Variants in LRRC1 observed in about 807,000 individuals in gnomAD.
The protein encoded by LRRC1 is leucine-rich repeat-containing protein 1.
In LRRC1, 28 loss-of-function variants were observed where a neutral mutation model predicts 69.9. The observed-to-expected ratio is 0.40, with a 90% CI of 0.30 to 0.55. The LOEUF (loss-of-function observed/expected upper bound fraction) is 0.55. LRRC1 is among the 20% of genes least tolerant of loss of function. The pLI, the probability that LRRC1 is intolerant of heterozygous loss-of-function variation, is 0.47. For missense variants in LRRC1, 498 were observed against 609.0 expected (o/e 0.82, Z 1.92); for synonymous variants, 236 against 240.2 (o/e 0.98, Z 0.16).
chr6:53,865,572 C>A (rs1169120786), intron 2 of LRRC1, among the ~76,000 whole-genome samples: 2 of 151,972 alleles, frequency 1.3e-5, no homozygotes, highest in African/African-American at 2.4e-5. Context: ...TTTGTTTATG[C>A]CATATTATTT....
At chr6:53,858,188 A>G (rs867627612) in intron 2 of LRRC1, among the ~76,000 whole-genome samples, 25 of 152,160 alleles carry the variant, frequency 1.6e-4, no homozygotes, top group African/African-American at 5.8e-4. Flanking sequence ...AACCACAGGC[A>G]GTTAGTAGTC....
intron 2 of LRRC1, among the ~76,000 whole-genome samples, chr6:53,873,922 C>T (rs1340169299): frequency 6.6e-6 from 1 of 152,184 alleles, no homozygotes; most frequent in African/African-American, 2.4e-5. Context: ...TGAGGCATCT[C>T]TTTTCTCAGC....
chr6:53,814,280 A>T (rs13205097), intron 1 of LRRC1, among the ~76,000 whole-genome samples: 1,557 of 152,196 alleles, frequency 0.01, 9 homozygotes, highest in African/African-American at 0.022. Flanking sequence ...GAAACTTTTT[A>T]AAAAAAATTA....
At chr6:53,891,996 A>C (rs970412158) in intron 4 of LRRC1, among the ~76,000 whole-genome samples, 1 of 84,872 alleles carries the variant, frequency 1.2e-5, no homozygotes, top group African/African-American at 4.3e-5. Context: ...TGTCTAAAAA[A>C]AAAATATATA....
At chr6:53,903,341 G>A (rs1349334139) in intron 9 of LRRC1, among the ~76,000 whole-genome samples, 3 of 151,744 alleles carry the variant, frequency 2.0e-5, no homozygotes, top group Admixed American at 6.6e-5. Context: ...GGGGCAATGC[G>A]TGCACCCCCT....
chr6:53,815,730 G>A lies in LRRC1; in HGVS notation c.159+20315G>A, dbSNP rs73430242. Among the ~76,000 whole-genome samples the A allele has an allele frequency of 9.1e-3, 1,380 of 152,274 alleles. 28 individuals carry two copies. Among genetic ancestry groups the A allele is most frequent in the African/African-American group, 0.032 (1,313 of 41,536 alleles). On this transcript the variant is annotated intron_variant, in intron 1 of 13. Transcript: ENST00000370888. The stretch of plus-strand genomic sequence containing the variant: ...TTAAGCAAGTTCTCTCTCCTCCTGC[G>A]TTCACTTGTGAAGAGTTCACTGTAC...
chr6:53,842,552 A>C (rs1428056191), intron 2 of LRRC1, among the ~76,000 whole-genome samples: 3 of 152,252 alleles, frequency 2.0e-5, no homozygotes, highest in Non-Finnish European at 4.4e-5. Context: ...TCTCCAAATA[A>C]GTTCAATCTG....
intron 4 of LRRC1, among the ~76,000 whole-genome samples, chr6:53,890,784 T>C (rs1209661141): frequency 6.6e-6 from 1 of 152,154 alleles, no homozygotes; most frequent in Non-Finnish European, 1.5e-5. Flanking sequence ...AACTCCCCAT[T>C]CCCCCATTAA....
chr6:53,806,806 C>T (rs933688737), intron 1 of LRRC1, among the ~76,000 whole-genome samples: 3 of 152,278 alleles, frequency 2.0e-5, no homozygotes, highest in African/African-American at 7.2e-5. Context: ...ATTCCCAGAA[C>T]CAATTAAGGA....
At position 53,882,289 on chromosome 6, in the gene LRRC1, G is replaced by C. The variant is rs564520938; in HGVS notation, c.357-598G>C. Among the ~76,000 whole-genome samples, 18 of 152,202 alleles carry C rather than the reference G, an allele frequency of 1.2e-4. 1 individual carries two copies. Among genetic ancestry groups the C allele is most frequent in the African/African-American group, 4.3e-4 (18 of 41,564 alleles). On this transcript the variant is annotated intron_variant, in intron 3 of 13. Coordinates refer to ENST00000370888, the MANE Select transcript of LRRC1 (RefSeq NM_018214.5). ...CTTGAACCCGGGAGGCGGAGGTTGCGGTGAGCCGAGATTGCGCCACTGCCC... is the reference window on the plus strand; with the variant it reads ...CTTGAACCCGGGAGGCGGAGGTTGCCGTGAGCCGAGATTGCGCCACTGCCC...
In LRRC1 at chr6:53,882,980, A is replaced by G; in HGVS notation, c.446+4A>G. ...CTCTACCTGAAAATATTGGCAAGTAAGTTTTTTTGTGAAGTTTGGGTGGAT... is the reference window on the plus strand; with the variant it reads ...CTCTACCTGAAAATATTGGCAAGTAGGTTTTTTTGTGAAGTTTGGGTGGAT... On this transcript the variant is annotated splice_donor_region_variant and intron_variant, in intron 4 of 13. Transcript: ENST00000370888. 6.3e-7 allele frequency: 1 copy of G among 1,595,644 alleles called. No homozygotes were observed. The highest frequency in any genetic ancestry group is 8.6e-7 in the Non-Finnish European group (1 of 1,166,692).
intron 1 of LRRC1, among the ~76,000 whole-genome samples, chr6:53,810,614 C>T (rs950376003): frequency 1.8e-4 from 27 of 150,618 alleles, no homozygotes; most frequent in African/African-American, 5.6e-4. Flanking sequence ...AGCGAGACTC[C>T]GTCTCAAAAA....
intron 1 of LRRC1, among the ~76,000 whole-genome samples, chr6:53,799,149 C>G (rs545801942): frequency 2.3e-4 from 35 of 152,342 alleles, no homozygotes; most frequent in African/African-American, 8.4e-4. Flanking sequence ...ACCTTGCCAC[C>G]TCCTCTTAAG....
intron 10 of LRRC1, among the ~76,000 whole-genome samples, chr6:53,906,422 C>G (rs1004449969): frequency 3.3e-5 from 5 of 152,210 alleles, no homozygotes; most frequent in Admixed American, 2.6e-4. Context: ...CAAGGCAGAT[C>G]ATGAGGAGAG....
chr6:53,884,160 C>A, intron 4 of LRRC1: 1 of 600,958 alleles, frequency 1.7e-6, no homozygotes. Context: ...TTGTGAATTT[C>A]ATGCATGTAC....
At chr6:53,814,520 G>T (rs922176551) in intron 1 of LRRC1, among the ~76,000 whole-genome samples, 1 of 152,212 alleles carries the variant, frequency 6.6e-6, no homozygotes, top group Non-Finnish European at 1.5e-5. Flanking sequence ...TAAGAGAAGT[G>T]ACTATGAAGT....
At chr6:53,836,852 G>A (rs1026494417) in intron 1 of LRRC1, among the ~76,000 whole-genome samples, 2 of 152,080 alleles carry the variant, frequency 1.3e-5, no homozygotes, top group African/African-American at 2.4e-5. Flanking sequence ...ATATCTAGAG[G>A]TAGCCACTAA....
At chr6:53,854,510 G>A (rs1766247527) in intron 2 of LRRC1, among the ~76,000 whole-genome samples, 1 of 152,164 alleles carries the variant, frequency 6.6e-6, no homozygotes, top group African/African-American at 2.4e-5. Context: ...TACTTCATAT[G>A]TATTATATTA....
chr6:53,853,341 A>G (rs140364926), intron 2 of LRRC1, among the ~76,000 whole-genome samples: 2,368 of 149,652 alleles, frequency 0.016, 64 homozygotes, highest in African/African-American at 0.054. Context: ...CTGGAGCGCA[A>G]TGGTGTGATC....
Sources: allele counts gnomAD v4.1 joint callset (sites outside exome capture counted in the v4.1 genomes callset), GRCh38; gene constraint gnomAD v4.1.1; transcripts MANE v1.5; gene names NCBI Gene and HGNC (gene_info 2026-07-23, HGNC 2026-07-21).